KIF26B: variants seen among roughly 807,000 people sequenced by gnomAD.
KIF26B encodes kinesin family member 26B.
KIF26B carries 63 observed loss-of-function variants against 151.2 expected under a neutral mutation model. The observed-to-expected ratio is 0.42, with a 90% CI of 0.34 to 0.51. The LOEUF is 0.51. KIF26B is among the 20% of genes least tolerant of loss of function. The pLI, the probability that KIF26B is intolerant of heterozygous loss-of-function variation, is 0.07. For missense variants in KIF26B, 2,813 were observed against 2,913.6 expected (o/e 0.97, Z 0.79); for synonymous variants, 1,357 against 1,262.1 (o/e 1.08, Z -1.59).
chr1:245,436,130 TTG>T (rs1420779500), intron 4 of KIF26B, among the ~76,000 whole-genome samples: 3 of 151,680 alleles, frequency 2.0e-5, no homozygotes, highest in Admixed American at 6.6e-5. Context: ...TGAGCTGAGA[TTG>T]CGTCACTGCA....
chr1:245,469,230 C>T (rs1659856252), intron 4 of KIF26B, among the ~76,000 whole-genome samples: 1 of 152,190 alleles, frequency 6.6e-6, no homozygotes, highest in South Asian at 2.1e-4. Flanking sequence ...AGAGAAACAG[C>T]GTCACTTGGG....
rs771212671 is a variant in KIF26B, at chr1:245,698,856, G to T, written c.6028-31G>T. The T allele has an allele frequency of 2.5e-6, 4 of 1,603,862 alleles. No individual in the cohort carries two copies. Among genetic ancestry groups the T allele is most frequent in the Non-Finnish European group, 2.6e-6 (3 of 1,173,168 alleles). On this transcript the variant is annotated intron_variant, in intron 13 of 14. Coordinates refer to ENST00000407071, the MANE Select transcript of KIF26B (RefSeq NM_018012.4). The surrounding 1 kb of genome is among the most constrained non-coding windows in gnomAD (Gnocchi z 4.0). Reference sequence around the variant, plus strand: ...TGGTGTGGGCTGGGTGTGAGCAGAAGGGCCCTTTCTCCTCTCTGTCTGTGT... The same window carrying T: ...TGGTGTGGGCTGGGTGTGAGCAGAATGGCCCTTTCTCCTCTCTGTCTGTGT...
chr1:245,340,613 G>A (rs998802729), intron 2 of KIF26B, among the ~76,000 whole-genome samples: 3 of 152,124 alleles, frequency 2.0e-5, no homozygotes, highest in Non-Finnish European at 2.9e-5. Context: ...GAGAGCCTAC[G>A]ATGTATACGG....
chr1:245,555,203 G>A (rs1339817792), intron 5 of KIF26B, among the ~76,000 whole-genome samples: 2 of 152,168 alleles, frequency 1.3e-5, no homozygotes, highest in African/African-American at 4.8e-5. Context: ...GTCCTGGAAG[G>A]TGGTGTATTC....
At chr1:245,669,134 A>T (rs988890878) in intron 10 of KIF26B, among the ~76,000 whole-genome samples, 1 of 152,232 alleles carries the variant, frequency 6.6e-6, no homozygotes, top group Non-Finnish European at 1.5e-5. Context: ...ACTTAACAAT[A>T]GCCCCTGAAG....
Position 245,687,653 on chromosome 1 carries a change from G to C in KIF26B, c.4670G>C (p.Cys1557Ser). 1 of 1,573,366 alleles carries C rather than the reference G, an allele frequency of 6.4e-7. No individual in the cohort carries two copies. The highest frequency in any genetic ancestry group is 8.6e-7 in the Non-Finnish European group (1 of 1,159,708). Residue 1557 changes from cysteine to serine, a missense_variant, in exon 12 of 15, where the codon TGC (cysteine) becomes TCC (serine). Transcript: ENST00000407071. The surrounding 1 kb of genome is among the most constrained non-coding windows in gnomAD (Gnocchi z 4.9). ...QEEPDSLSYY[C>S]AAETNGVGAA... Reference sequence around the variant, plus strand: ...GAGCCGGACAGCCTCTCCTATTACTGCGCTGCTGAGACCAACGGGGTGGGT... The same window carrying C: ...GAGCCGGACAGCCTCTCCTATTACTCCGCTGCTGAGACCAACGGGGTGGGT...
At chr1:245,344,598 T>C (rs1672408602) in intron 2 of KIF26B, among the ~76,000 whole-genome samples, 1 of 151,678 alleles carries the variant, frequency 6.6e-6, no homozygotes, top group Admixed American at 6.6e-5. Flanking sequence ...GCTTCTGGGA[T>C]GACCCTGGAG....
intron 4 of KIF26B, among the ~76,000 whole-genome samples, chr1:245,478,029 A>T (rs1660080739): frequency 6.6e-6 from 1 of 151,788 alleles, no homozygotes; most frequent in East Asian, 1.9e-4. Flanking sequence ...ACTCATCAAC[A>T]TTCTGGCTCT....
chr1:245,622,398 C>A (rs1196590902), intron 9 of KIF26B, among the ~76,000 whole-genome samples: 1 of 152,144 alleles, frequency 6.6e-6, no homozygotes, highest in Non-Finnish European at 1.5e-5. Context: ...GGGGTGGAGG[C>A]AGATTAGCCT....
chr1:245,199,582 G>A (rs533756409), intron 2 of KIF26B, among the ~76,000 whole-genome samples: 1 of 151,866 alleles, frequency 6.6e-6, no homozygotes, highest in Non-Finnish European at 1.5e-5. Flanking sequence ...AGGTTCAAGT[G>A]ATTCTTCTGC....
chr1:245,498,338 C>T (rs923106033), intron 4 of KIF26B, among the ~76,000 whole-genome samples: 3 of 152,264 alleles, frequency 2.0e-5, no homozygotes, highest in Admixed American at 6.5e-5. Context: ...GTCTTGGCTC[C>T]GTGTGTTTAA....
chr1:245,646,580 T>C (rs1447218658), intron 10 of KIF26B, among the ~76,000 whole-genome samples: 2 of 152,176 alleles, frequency 1.3e-5, no homozygotes, highest in Admixed American at 6.5e-5. Context: ...ATTGTCACCA[T>C]AATAAAGATG....
intron 2 of KIF26B, among the ~76,000 whole-genome samples, chr1:245,256,290 G>A (rs1390497804): frequency 2.0e-5 from 3 of 152,186 alleles, no homozygotes; most frequent in Non-Finnish European, 4.4e-5. Context: ...TTGACTTTAC[G>A]TAACCTGGGT....
chr1:245,264,886 C>T (rs1383903591), intron 2 of KIF26B, among the ~76,000 whole-genome samples: 4 of 146,620 alleles, frequency 2.7e-5, no homozygotes, highest in Non-Finnish European at 4.5e-5. Context: ...GAGCGAGACT[C>T]CGTCTCAAAA....
chr1:245,528,049 GAACGGATTGATGGT>G (rs1166356291), intron 4 of KIF26B, among the ~76,000 whole-genome samples: 3 of 152,098 alleles, frequency 2.0e-5, no homozygotes, highest in African/African-American at 7.2e-5. Flanking sequence ...CATCCGATAA[GAACGGATTGATGGT>G]CAAAAGGTCA....
chr1:245,668,428 A>C (rs1463251644), intron 10 of KIF26B, among the ~76,000 whole-genome samples: 1 of 152,232 alleles, frequency 6.6e-6, no homozygotes, highest in Non-Finnish European at 1.5e-5. Context: ...ATTCTTTTTC[A>C]AGAAATGGAT....
intron 6 of KIF26B, among the ~76,000 whole-genome samples, chr1:245,605,686 A>G (rs905712358): frequency 6.6e-6 from 1 of 152,044 alleles, no homozygotes; most frequent in Admixed American, 6.5e-5. Context: ...AGAAGGCTGC[A>G]TGCCTCTCCA....
At chr1:245,694,332 T>C (rs1188467055) in intron 12 of KIF26B, among the ~76,000 whole-genome samples, 1 of 152,252 alleles carries the variant, frequency 6.6e-6, no homozygotes, top group East Asian at 1.9e-4. Flanking sequence ...TCAACATTAG[T>C]GCCTCGTGCT....
At chr1:245,406,851 G>A (rs113881403) in intron 3 of KIF26B, among the ~76,000 whole-genome samples, 3 of 151,944 alleles carry the variant, frequency 2.0e-5, no homozygotes, top group Non-Finnish European at 2.9e-5. Context: ...GTAGTGGTGC[G>A]ATCTCGGCTC....
Sources: gnomAD v4.1 joint callset for allele counts (sites outside exome capture counted in the v4.1 genomes callset) on GRCh38, gnomAD v4.1.1 for gene constraint, Gnocchi (gnomAD v3.1) non-coding constraint, MANE v1.5 for transcripts, NCBI Gene and HGNC (gene_info 2026-07-23, HGNC 2026-07-21) for gene names.